The following LAMC3 variants were observed in gnomAD, a reference collection of about 807,000 sequenced individuals.
LAMC3 encodes laminin subunit gamma-3.
In LAMC3, 128 loss-of-function variants were observed where a neutral mutation model predicts 173.8. The ratio of observed to expected loss-of-function variants is 0.74; its 90% CI spans 0.64 to 0.85. The LOEUF is 0.85. LAMC3 is among the 40% of genes least tolerant of loss of function. The pLI, the probability that LAMC3 is intolerant of heterozygous loss-of-function variation, is 0.00. For missense variants in LAMC3, 2,022 were observed against 2,156.0 expected (o/e 0.94, Z 1.23); for synonymous variants, 897 against 909.1 (o/e 0.99, Z 0.24).
At chr9:131,044,875 T>G (rs1834119603) in intron 7 of LAMC3, among the ~76,000 whole-genome samples, 1 of 152,206 alleles carries the variant, frequency 6.6e-6, no homozygotes, top group African/African-American at 2.4e-5. Context: ...CAACACCGTG[T>G]CCTGGATGGG....
intron 15 of LAMC3, among the ~76,000 whole-genome samples, 177 bp from the exon 16 acceptor site, chr9:131,068,731 C>T (rs1216209781): frequency 6.6e-6 from 1 of 152,164 alleles, no homozygotes; most frequent in Non-Finnish European, 1.5e-5. Context: ...CCTGAGCATC[C>T]TGGGAAACTT....
rs764845089 is a variant in LAMC3 at position 131,053,393 on chromosome 9, A to AG, written c.1939+430dup. ...GGCGGTATTGTACCTAAGCCACCCT[A>AG]GGAGGGTCTGGTCTTCCCAAAGAGG... On this transcript the variant is annotated intron_variant, in intron 11 of 27. Transcript: ENST00000361069. 3.3e-5 allele frequency among the ~76,000 whole-genome samples: 5 copies of AG among 152,150 alleles called. No homozygotes were observed. In the East Asian group the frequency reaches 9.7e-4, roughly 29 times the overall value.
intron 6 of LAMC3, among the ~76,000 whole-genome samples, chr9:131,039,736 AG>A (rs1834012744): frequency 6.6e-6 from 1 of 151,684 alleles, no homozygotes; most frequent in African/African-American, 2.4e-5. Flanking sequence ...CATGGTGACC[AG>A]GGGGTGGAAG....
chr9:131,081,452 T>TCCC (rs1830238606), intron 23 of LAMC3, among the ~76,000 whole-genome samples: 2 of 92,790 alleles, frequency 2.2e-5, no homozygotes, highest in African/African-American at 8.2e-5. Flanking sequence ...CCTCCCTCCC[T>TCCC]CCCTCCCTCC....
chr9:131,044,638 C>CT (rs1369510523), intron 7 of LAMC3, among the ~76,000 whole-genome samples: 2 of 152,172 alleles, frequency 1.3e-5, no homozygotes, highest in African/African-American at 4.8e-5. Flanking sequence ...GTCAGCATCG[C>CT]TTGGATGTCA....
intron 1 of LAMC3, among the ~76,000 whole-genome samples, chr9:131,012,685 C>A (rs556689643): frequency 6.6e-6 from 1 of 152,336 alleles, no homozygotes; most frequent in Admixed American, 6.5e-5. Flanking sequence ...TTGTCGGTGT[C>A]CCCTGTGGAG....
chr9:131,059,928 C>T (rs371265110), intron 12 of LAMC3, among the ~76,000 whole-genome samples: 29 of 152,320 alleles, frequency 1.9e-4, no homozygotes, highest in African/African-American at 6.3e-4. Flanking sequence ...GTCACCTGTG[C>T]CTTGGCTGCT....
intron 21 of LAMC3, among the ~76,000 whole-genome samples, 188 bp from the exon 22 acceptor site, chr9:131,076,999 G>A (rs564840787): frequency 2.0e-5 from 3 of 152,324 alleles, no homozygotes; most frequent in Admixed American, 2.0e-4. Flanking sequence ...TTCACAGCCC[G>A]TCTGGCTCAT....
chr9:131,093,805 TTTTCTC>T lies in LAMC3; in HGVS notation c.*2022_*2027del, dbSNP rs1210311264. ...CTCCTCTCCTGTATCTGCTTCGTTC[TTTTCTC>T]TTTATTTATTGATTTTTTTTGAGAT... On this transcript the variant is annotated 3_prime_UTR_variant, in exon 28 of 28. Transcript: ENST00000361069. 1 of 152,406 alleles carries T rather than the reference TTTTCTC, an allele frequency of 6.6e-6. No homozygotes were observed. The highest frequency in any genetic ancestry group is 1.5e-5 in the Non-Finnish European group (1 of 68,258). 9.4% of individuals were successfully genotyped at this position (152,406 alleles called of 1,614,324 possible).
Position 131,072,757 on chromosome 9 carries a change from C to T in LAMC3, c.3339C>T (p.Thr1113=). 2 of 1,613,324 alleles carry T rather than the reference C, an allele frequency of 1.2e-6. No homozygotes were observed. The highest frequency in any genetic ancestry group is 1.7e-6 in the Non-Finnish European group (2 of 1,179,792). ...CAQAGSQKTC[T]QLADLEAVLE... is the part of the protein sequence containing the mutation. ...AGGCCGGATCCCAGAAGACCTGCACCCAGCTGGCAGACCTGGAGGCAGTGC... is the reference window on the plus strand; with the variant it reads ...AGGCCGGATCCCAGAAGACCTGCACTCAGCTGGCAGACCTGGAGGCAGTGC... Residue 1113 remains threonine, a synonymous_variant, in exon 19 of 28, where the codon ACC becomes ACT. Coordinates refer to ENST00000361069, the MANE Select transcript of LAMC3 (RefSeq NM_006059.4).
chr9:131,079,557 G>A (rs1403430181), intron 23 of LAMC3, among the ~76,000 whole-genome samples: 4 of 152,146 alleles, frequency 2.6e-5, no homozygotes, highest in Admixed American at 1.3e-4. Flanking sequence ...AGCCAGGCAT[G>A]GTGGCATGTG....
At chr9:131,084,434 C>T (rs1162812589) in intron 24 of LAMC3, among the ~76,000 whole-genome samples, 1 of 151,768 alleles carries the variant, frequency 6.6e-6, no homozygotes, top group East Asian at 2.0e-4. Flanking sequence ...TGGTTTTGAA[C>T]TCCTGGCCTG....
chr9:131,084,526 T>C (rs1052985022), intron 24 of LAMC3, among the ~76,000 whole-genome samples: 6 of 152,312 alleles, frequency 3.9e-5, no homozygotes, highest in African/African-American at 1.4e-4. Context: ...TAGAATTTTA[T>C]CTGAAAGGAA....
intron 18 of LAMC3, among the ~76,000 whole-genome samples, chr9:131,072,260 A>G (rs1293206663): frequency 6.6e-6 from 1 of 152,234 alleles, no homozygotes; most frequent in Admixed American, 6.5e-5. Flanking sequence ...AGAACCTGTT[A>G]GCAGGACTCA....
chr9:131,073,402 C>T, intron 20 of LAMC3, 81 bp downstream of exon 20: 1 of 1,069,162 alleles, frequency 9.4e-7, no homozygotes, highest in Non-Finnish European at 1.4e-6. Context: ...ACAGGTGCCC[C>T]CACCCAGAAG....
chr9:131,015,457 A>G (rs1356608673), intron 1 of LAMC3, among the ~76,000 whole-genome samples: 1 of 151,958 alleles, frequency 6.6e-6, no homozygotes, highest in Non-Finnish European at 1.5e-5. Context: ...TCCCCAGCTC[A>G]TGCCCTGGCT....
intron 1 of LAMC3, among the ~76,000 whole-genome samples, chr9:131,013,995 G>T (rs370957769): frequency 6.6e-5 from 10 of 152,348 alleles, no homozygotes; most frequent in African/African-American, 2.4e-4. Flanking sequence ...TGGCTGGAAC[G>T]CTGGGCCCTG....
chr9:131,043,195 C>A (rs1435731927), intron 7 of LAMC3, among the ~76,000 whole-genome samples: 1 of 152,214 alleles, frequency 6.6e-6, no homozygotes, highest in Non-Finnish European at 1.5e-5. Context: ...CTCTGCAAGT[C>A]AAAGGGGCTC....
chr9:131,056,397 A>T (rs566826605), intron 11 of LAMC3, among the ~76,000 whole-genome samples: 4 of 152,200 alleles, frequency 2.6e-5, no homozygotes, highest in Admixed American at 6.6e-5. Context: ...TATCGTTAAT[A>T]ACCTGTGGAT....
Sources: gnomAD v4.1 joint callset for allele counts (sites outside exome capture counted in the v4.1 genomes callset) on GRCh38, gnomAD v4.1.1 for gene constraint, MANE v1.5 for transcripts, NCBI Gene and HGNC (gene_info 2026-07-23, HGNC 2026-07-21) for gene names.